The following DCC variants were observed in gnomAD, a reference collection of about 807,000 sequenced individuals.
DCC encodes DCC netrin 1 receptor.
DCC carries 58 observed loss-of-function variants against 172.5 expected under a neutral mutation model. That is an observed-to-expected ratio of 0.34 (90% confidence interval 0.27 to 0.42). DCC has a LOEUF of 0.42. Among genes scored for constraint, DCC ranks in the 10% least tolerant of loss-of-function variants. The pLI is 1.00. For synonymous variants in DCC, 709 were observed against 644.5 expected (o/e 1.10, Z -1.52); for missense variants, 1,740 against 1,791.0 (o/e 0.97, Z 0.51).
intron 1 of DCC, among the ~76,000 whole-genome samples, chr18:52,695,131 C>T (rs1310961958): frequency 3.3e-5 from 5 of 152,148 alleles, no homozygotes; most frequent in African/African-American, 1.2e-4. Context: ...TCTTGCCTCT[C>T]ATTCTCTCCT....
chr18:52,811,592 T>A (rs1042078320), intron 2 of DCC, among the ~76,000 whole-genome samples: 2 of 144,956 alleles, frequency 1.4e-5, no homozygotes, highest in Admixed American at 1.3e-4. Context: ...CTGGTGAAAG[T>A]TTTATTTTTT....
chr18:52,999,260 G>A (rs1388032330), intron 5 of DCC, among the ~76,000 whole-genome samples: 1 of 151,926 alleles, frequency 6.6e-6, no homozygotes, highest in Non-Finnish European at 1.5e-5. Context: ...CTGTAAAACA[G>A]CACAAGCTCT....
intron 1 of DCC, among the ~76,000 whole-genome samples, chr18:52,494,288 G>GTC: frequency 6.6e-6 from 1 of 151,414 alleles, no homozygotes; most frequent in South Asian, 2.1e-4. Flanking sequence ...GTGTGTGTGT[G>GTC]TGTGTCTGTG....
At position 52,418,867 on chromosome 18, in the gene DCC, T is replaced by C. The variant is rs1432230148; in HGVS notation, c.91+77989T>C. Among the ~76,000 whole-genome samples the C allele has an allele frequency of 6.1e-4, 88 of 144,734 alleles. 1 individual carries two copies. The highest frequency in any genetic ancestry group is 2.2e-3 in the African/African-American group (87 of 38,988). The allele number at this position is 144,734 out of a possible 152,430, so 95.0% of individuals were successfully genotyped here. A position where few individuals can be genotyped will look rare whatever the true frequency, so the allele number is the denominator to read the frequency against. Reference sequence around the variant, plus strand: ...CTTTCTTTCTTTCTTTCTTTTTTTTTTTTTTTTTTTTGAGATGGAGTCTCA... The same window carrying C: ...CTTTCTTTCTTTCTTTCTTTTTTTTCTTTTTTTTTTTGAGATGGAGTCTCA... On this transcript the variant is annotated intron_variant, in intron 1 of 28. Transcript: ENST00000442544.
At chr18:52,689,792 C>T (rs1156393956) in intron 1 of DCC, among the ~76,000 whole-genome samples, 1 of 152,066 alleles carries the variant, frequency 6.6e-6, no homozygotes, top group Non-Finnish European at 1.5e-5. Context: ...CCTTCAATCA[C>T]TTATGTATGC....
intron 25 of DCC, among the ~76,000 whole-genome samples, chr18:53,484,846 A>T (rs1317976155): frequency 1.5e-4 from 22 of 150,014 alleles, no homozygotes. Flanking sequence ...TTTGATGGGG[A>T]TTGTGTTAAA....
rs550297817 is a variant in DCC at position 52,944,258 on chromosome 18, G to A, written c.985+18888G>A. On this transcript the variant is annotated intron_variant, in intron 5 of 28. Coordinates refer to ENST00000442544, the MANE Select transcript of DCC (RefSeq NM_005215.4). ...CTATTACGATGAGAACAATATTTTG[G>A]CAATCTGAGAAGATAACTTAGGATG... 1.1e-4 allele frequency among the ~76,000 whole-genome samples: 16 copies of A among 152,250 alleles called. No individual in the cohort carries two copies. In the South Asian group the frequency reaches 3.3e-3, roughly 32 times the overall value.
intron 2 of DCC, among the ~76,000 whole-genome samples, chr18:52,893,341 A>G (rs952716525): frequency 5.6e-5 from 8 of 141,842 alleles, no homozygotes; most frequent in Non-Finnish European, 1.3e-4. Flanking sequence ...GCAAAAGCTT[A>G]TATTAATAAA....
intron 7 of DCC, among the ~76,000 whole-genome samples, chr18:53,146,795 C>T (rs1466387910): frequency 6.6e-6 from 1 of 152,190 alleles, no homozygotes; most frequent in Non-Finnish European, 1.5e-5. Context: ...AAAATAGATA[C>T]ATTTGTTATG....
intron 1 of DCC, among the ~76,000 whole-genome samples, chr18:52,615,862 A>T (rs1379310272): frequency 6.6e-6 from 1 of 152,184 alleles, no homozygotes. Context: ...GGTTTTTCTT[A>T]GTTTACAGAA....
intron 2 of DCC, among the ~76,000 whole-genome samples, chr18:52,847,291 A>G (rs1296332626): frequency 1.3e-5 from 2 of 152,202 alleles, no homozygotes; most frequent in African/African-American, 2.4e-5. Context: ...TCTGTAAAGC[A>G]TAAGCACTGA....
intron 1 of DCC, among the ~76,000 whole-genome samples, chr18:52,477,041 A>G (rs1186174208): frequency 6.6e-6 from 1 of 152,042 alleles, no homozygotes; most frequent in Non-Finnish European, 1.5e-5. Context: ...AAAAACCAGA[A>G]CCAGGCATTT....
intron 7 of DCC, among the ~76,000 whole-genome samples, chr18:53,103,251 C>T (rs1480843924): frequency 6.6e-6 from 1 of 151,898 alleles, no homozygotes; most frequent in Admixed American, 6.6e-5. Flanking sequence ...AGAGACAGAA[C>T]CAGGGTACAT....
intron 1 of DCC, among the ~76,000 whole-genome samples, chr18:52,708,035 G>A (rs2036237429): frequency 6.6e-6 from 1 of 152,170 alleles, no homozygotes; most frequent in Admixed American, 6.5e-5. Context: ...AGTATGTGAA[G>A]TAGTGCATAT....
chr18:53,441,184 T>C (rs1013908327), intron 22 of DCC, among the ~76,000 whole-genome samples: 3 of 152,190 alleles, frequency 2.0e-5, no homozygotes, highest in African/African-American at 4.8e-5. Context: ...CCAAGGTACA[T>C]GGGTCCTCTT....
intron 21 of DCC, among the ~76,000 whole-genome samples, chr18:53,428,433 TATATA>T (rs1431817023): frequency 1.7e-5 from 1 of 58,294 alleles, no homozygotes; most frequent in Non-Finnish European, 3.2e-5. Context: ...ATATATTACA[TATATA>T]ATATATTATA....
chr18:52,993,194 T>C (rs1167019847), intron 5 of DCC, among the ~76,000 whole-genome samples: 3 of 152,064 alleles, frequency 2.0e-5, no homozygotes, highest in Non-Finnish European at 4.4e-5. Context: ...CCACAAAACT[T>C]GTTGAAAAGT....
intron 1 of DCC, among the ~76,000 whole-genome samples, chr18:52,530,192 A>G (rs147299250): frequency 4.5e-4 from 69 of 152,292 alleles, no homozygotes; most frequent in African/African-American, 1.6e-3. Context: ...AACTCTATTA[A>G]GTGGACAAGA....
At chr18:52,396,462 A>G (rs1408420846) in intron 1 of DCC, among the ~76,000 whole-genome samples, 1 of 151,968 alleles carries the variant, frequency 6.6e-6, no homozygotes, top group Non-Finnish European at 1.5e-5. Flanking sequence ...CTCATTTGTG[A>G]CCCCTTTATG....
Sources: allele counts gnomAD v4.1 joint callset (sites outside exome capture counted in the v4.1 genomes callset), GRCh38; gene constraint gnomAD v4.1.1; transcripts MANE v1.5; gene names NCBI Gene and HGNC (gene_info 2026-07-23, HGNC 2026-07-21).